Variants in TTN observed in about 807,000 individuals in gnomAD.
TTN encodes the protein titin.
In TTN, 1,525 loss-of-function variants were observed where a neutral mutation model predicts 3,223.0. The observed-to-expected ratio is 0.47, with a 90% CI of 0.45 to 0.49. TTN has a LOEUF of 0.49. Among genes scored for constraint, TTN ranks in the 20% least tolerant of loss-of-function variants. The pLI, the probability that TTN is intolerant of heterozygous loss-of-function variation, is 0.00. For missense variants in TTN, 40,786 were observed against 43,424.0 expected, an observed-to-expected ratio of 0.94 and a Z score of 5.40; for synonymous variants, 14,094 against 15,161.0, an observed-to-expected ratio of 0.93 and a Z score of 5.17.
intron 168 of TTN, 71 bp from the exon 169 acceptor site, chr2:178,664,169 AG>A (rs2065411410): frequency 1.4e-6 from 2 of 1,419,860 alleles, no homozygotes; most frequent in Non-Finnish European, 1.9e-6. Context: ...GACATTTTCA[AG>A]AACAAAAGAG....
chr2:178,734,970 T>G lies in TTN; in HGVS notation c.14954A>C (p.Lys4985Thr), dbSNP rs750177841. 39 of 1,588,326 alleles carry G rather than the reference T, an allele frequency of 2.5e-5. No homozygotes were observed. In the South Asian group the frequency reaches 4.3e-4, roughly 18 times the overall value. The part of the protein sequence containing the change: ...VTVREPPSFV[K>T]KVDPSYLMLP... ...CATTAAATAAGAGGGATCCACCTTC[T>G]TCACGAAGGATGGTGGCTCTACATG... Residue 4985 changes from lysine (K) to threonine (T), a missense_variant, in exon 51 of 363, where the codon AAG becomes ACG. Lys to Thr is a moderately conservative substitution (Grantham distance 78). Coordinates refer to ENST00000589042, the MANE Select transcript of TTN (RefSeq NM_001267550.2).
intron 138 of TTN, 103 bp from the exon 139 acceptor site, chr2:178,680,434 T>A: frequency 1.1e-6 from 1 of 908,954 alleles, no homozygotes; most frequent in Non-Finnish European, 1.8e-6. Flanking sequence ...TATCTTCCTT[T>A]AATGAGATAC....
Position 178,704,567 on chromosome 2 carries a change from C to T in TTN, c.29905G>A (p.Gly9969Ser), listed in dbSNP as rs961816213. Reference sequence around the variant, plus strand: ...GGACCACAAACCAATCGATAATTGCCCTGGTCTTTAAGTTGACAGTTTTTG... The same window carrying T: ...GGACCACAAACCAATCGATAATTGCTCTGGTCTTTAAGTTGACAGTTTTTG... ...RVKNCQLKDQ[G>S]NYRLVCGPHI... The change falls in exon 105 of 363, where the codon GGC becomes AGC. Residue 9969 changes from glycine (G) to serine (S), a missense_variant. Transcript: ENST00000589042. The T allele has an allele frequency of 4.3e-6, 7 of 1,613,386 alleles. No homozygotes were observed. In the African/African-American group the frequency reaches 6.7e-5, roughly 15 times the overall value.
rs773999364 is a variant in TTN at position 178,568,605 on chromosome 2, T to C, written c.77527A>G (p.Arg25843Gly). ...TCCAGTGAATCGGTAACATTGATTC[T>C]TGTGGTCTGCTTCAGTGGGAGACCA... ...KDGLPLKQTTRINVTDSLDLT... is the reference protein window; with the variant it reads ...KDGLPLKQTTGINVTDSLDLT... The change falls in exon 326 of 363, where the codon AGA (arginine) becomes GGA (glycine). Residue 25843 changes from arginine (R) to glycine (G), a missense_variant. Physicochemically the swap from Arg to Gly is moderately radical, Grantham distance 125 (BLOSUM62 -2). Transcript: ENST00000589042. 4 of 1,613,340 alleles carry C rather than the reference T, an allele frequency of 2.5e-6. No homozygotes were observed. In the African/African-American group the frequency reaches 4.0e-5, roughly 16 times the overall value.
In TTN at chr2:178,565,162, T is replaced by C. The variant is rs1476470051; in HGVS notation, c.80970A>G (p.Val26990=). The C allele has an allele frequency of 1.2e-6, 2 of 1,613,444 alleles. No homozygotes were observed. The highest frequency in any genetic ancestry group is 1.3e-5 in the African/African-American group (1 of 75,014). ...VRFDEVSADF[V]VISWEPPAYT... is the part of the protein sequence containing the mutation. ...AGGCTGGAGGTTCCCAAGATATGAC[T>C]ACAAAGTCTGCACTAACTTCATCAA... is the stretch of plus-strand genomic sequence containing the variant. The change falls in exon 326 of 363, where the codon GTA becomes GTG. Residue 26990 remains valine (V), a synonymous_variant. Coordinates refer to ENST00000589042, the MANE Select transcript of TTN (RefSeq NM_001267550.2).
intron 134 of TTN, 149 bp from the exon 135 acceptor site, chr2:178,683,052 G>A (rs2069863278): frequency 2.0e-6 from 2 of 1,003,320 alleles, no homozygotes; most frequent in Non-Finnish European, 3.0e-6. Flanking sequence ...GGCCAGTCAA[G>A]GTATCATAGA....
chr2:178,804,072 A>C (rs1172683184), intron 2 of TTN, among the ~76,000 whole-genome samples: 1 of 152,220 alleles, frequency 6.6e-6, no homozygotes, highest in Admixed American at 6.5e-5. Flanking sequence ...GAGTTGGTTA[A>C]TTACTGAACA....
Position 178,612,961 on chromosome 2 carries a change from A to C in TTN, c.49760T>G (p.Val16587Gly). ...TGTTCCAGTCTTCAGCATTTCAATG[A>C]CATAAGACTCAATCTTTGCACCTCC... ...HDGGAKIESY[V>G]IEMLKTGTDE... The change falls in exon 265 of 363, where the codon GTC (valine) becomes GGC (glycine). Residue 16587 changes from valine (V) to glycine (G), a missense_variant. By Grantham distance (109) the Val-to-Gly change is moderately radical (BLOSUM62 -3). Coordinates refer to ENST00000589042, the MANE Select transcript of TTN (RefSeq NM_001267550.2). The C allele has an allele frequency of 6.2e-7, 1 of 1,612,688 alleles. No individual in the cohort carries two copies. Among genetic ancestry groups the C allele is most frequent in the East Asian group, 2.2e-5 (1 of 44,594 alleles).
chr2:178,756,411 T>C lies in TTN; in HGVS notation c.11065A>G (p.Ile3689Val), dbSNP rs1299991139. 1 of 1,613,854 alleles carries C rather than the reference T, an allele frequency of 6.2e-7. No individual in the cohort carries two copies. Among genetic ancestry groups the C allele is most frequent in the Non-Finnish European group, 8.5e-7 (1 of 1,179,822 alleles). ...CCTTCGTGAGTCCAGGTTACATCAA[T>C]GAAAGAATCATCTTTTAAAACACAG... The part of the protein sequence containing the change: ...FLCVLKDDSF[I>V]DVTWTHEGAK... Residue 3689 changes from isoleucine (I) to valine (V), a missense_variant, in exon 46 of 363, where the codon ATT becomes GTT. Physicochemically the swap from Ile to Val is conservative, Grantham distance 29 (BLOSUM62 3). Coordinates refer to ENST00000589042, the MANE Select transcript of TTN (RefSeq NM_001267550.2).
rs776839796 is a variant in TTN at position 178,535,083 on chromosome 2, T to C, written c.101532A>G (p.Thr33844=). 2.1e-5 allele frequency: 34 copies of C among 1,613,812 alleles called. No individual in the cohort carries two copies. In the South Asian group the frequency reaches 3.4e-4, roughly 16 times the overall value. ...HRCVETSSKK[T]YMAKFVKVKG... Reference sequence around the variant, plus strand: ...TGACTTTAACAAATTTGGCCATGTATGTCTTCTTTGAGGATGTTTCAACAC... The same window carrying C: ...TGACTTTAACAAATTTGGCCATGTACGTCTTCTTTGAGGATGTTTCAACAC... The change falls in exon 358 of 363, where the codon ACA becomes ACG. Residue 33844 remains threonine (T), a synonymous_variant. Transcript: ENST00000589042.
chr2:178,664,918 C>T lies in TTN; in HGVS notation c.36052G>A (p.Ala12018Thr), dbSNP rs1212119650. ...TTGGCAGGAATAATTTCTTGAGGAGCTTCGGGCGCTTGAAAGATATTAGCA... is the reference window on the plus strand; with the variant it reads ...TTGGCAGGAATAATTTCTTGAGGAGTTTCGGGCGCTTGAAAGATATTAGCA... The part of the protein sequence containing the change: ...PETPRMKTPE[A>T]PQEIIPAKTV... The change falls in exon 166 of 363, where the codon GCT becomes ACT. Residue 12018 changes from alanine (A) to threonine (T), a missense_variant. Ala to Thr is a moderately conservative substitution (Grantham distance 58). Coordinates refer to ENST00000589042, the MANE Select transcript of TTN (RefSeq NM_001267550.2). 1.2e-6 allele frequency: 2 copies of T among 1,607,040 alleles called. No homozygotes were observed. Among genetic ancestry groups the T allele is most frequent in the Non-Finnish European group, 1.7e-6 (2 of 1,177,522 alleles).
chr2:178,778,819 T>C, intron 24 of TTN, 55 bp downstream of exon 24: 1 of 1,611,414 alleles, frequency 6.2e-7, no homozygotes, highest in Non-Finnish European at 8.5e-7. Flanking sequence ...TGCTACTATT[T>C]GATGTTTTGA....
At position 178,649,903 on chromosome 2, in the gene TTN, A is replaced by G. The variant is rs368834130; in HGVS notation, c.39818-9T>C. On this transcript the variant is annotated splice_polypyrimidine_tract_variant and intron_variant, in intron 210 of 362. Transcript: ENST00000589042. ...CTTGGGCTCTTCAGGCACTTGAATA[A>G]TAGGAATTTCTTTTAGAATTAGGTG... is the stretch of plus-strand genomic sequence containing the variant. The G allele has an allele frequency of 7.8e-5, 125 of 1,599,132 alleles. No individual in the cohort carries two copies. The highest frequency in any genetic ancestry group is 1.0e-4 in the Non-Finnish European group (121 of 1,176,318).
At chr2:178,538,042 A>T in intron 354 of TTN, 125 bp from the exon 355 acceptor site, 1 of 928,652 alleles carries the variant, frequency 1.1e-6, no homozygotes, top group South Asian at 1.8e-5. Flanking sequence ...TATTAGCCTA[A>T]TTCTTAAAAA....
At chr2:178,705,010 T>A in intron 103 of TTN, 44 bp from the exon 104 acceptor site, 1 of 1,605,584 alleles carries the variant, frequency 6.2e-7, no homozygotes, top group Non-Finnish European at 8.5e-7. Flanking sequence ...GAAACAAAAT[T>A]TGATTTAGAG....
Position 178,536,293 on chromosome 2 carries a change from A to G in TTN, c.100454T>C (p.Ile33485Thr), listed in dbSNP as rs369247146. ...ESEWSEISEP[I>T]TPKSDVPIQA... ...AATTGGGACATCAGATTTGGGAGTG[A>G]TGGGTTCTGATATTTCACTCCATTC... The change falls in exon 357 of 363, where the codon ATC becomes ACC. Residue 33485 changes from isoleucine (I) to threonine (T), a missense_variant. Ile to Thr is a moderately conservative substitution (Grantham distance 89). Coordinates refer to ENST00000589042, the MANE Select transcript of TTN (RefSeq NM_001267550.2). The G allele has an allele frequency of 6.2e-7, 1 of 1,613,678 alleles. No individual in the cohort carries two copies. The highest frequency in any genetic ancestry group is 1.1e-5 in the South Asian group (1 of 91,068).
rs1686517551 is a variant in TTN at position 178,526,611 on chromosome 2, G to A, written c.*401C>T. On this transcript the variant is annotated 3_prime_UTR_variant, in exon 363 of 363. Coordinates refer to ENST00000589042, the MANE Select transcript of TTN (RefSeq NM_001267550.2). The stretch of plus-strand genomic sequence containing the variant: ...TAGGTGGACAGGACATCTTCAATGG[G>A]GATTTTCTCAACCCACTGAGGCATA... 1 of 162,680 alleles carries A rather than the reference G, an allele frequency of 6.1e-6. No homozygotes were observed. 10.1% of individuals were successfully genotyped at this position (162,680 alleles called of 1,614,324 possible).
At chr2:178,762,818 G>T (rs2089554906) in intron 43 of TTN, among the ~76,000 whole-genome samples, 1 of 152,014 alleles carries the variant, frequency 6.6e-6, no homozygotes. Context: ...CCTCTCTATG[G>T]CTATAATAAA....
Position 178,799,683 on chromosome 2 carries a change from C to G in TTN, c.718G>C (p.Val240Leu). 1.2e-6 allele frequency: 2 copies of G among 1,614,172 alleles called. No homozygotes were observed. Among genetic ancestry groups the G allele is most frequent in the Non-Finnish European group, 1.7e-6 (2 of 1,180,032 alleles). Residue 240 changes from valine to leucine, a missense_variant, in exon 6 of 363, where the codon GTC becomes CTC. By Grantham distance (32) the Val-to-Leu change is conservative. Coordinates refer to ENST00000589042, the MANE Select transcript of TTN (RefSeq NM_001267550.2). ...TGTTGCCCAGCGGCACCATCTATGA[C>G]CATCTCAACTGTTGCAATTGATCTG... ...DARSIATVEM[V>L]IDGAAGQQLP...
Sources: gnomAD v4.1 joint callset for allele counts (sites outside exome capture counted in the v4.1 genomes callset) on GRCh38, gnomAD v4.1.1 for gene constraint, MANE v1.5 for transcripts, NCBI Gene and HGNC (gene_info 2026-07-23, HGNC 2026-07-21) for gene names.